Variants in IQSEC1 observed in about 807,000 individuals in gnomAD.
IQSEC1 encodes the protein IQ motif and Sec7 domain ArfGEF 1.
In IQSEC1, 31 loss-of-function variants were observed where a neutral mutation model predicts 91.0. The ratio of observed to expected loss-of-function variants is 0.34; its 90% confidence interval spans 0.26 to 0.46. IQSEC1 has a LOEUF of 0.46. Ranked by LOEUF, IQSEC1 falls within the 20% of genes least tolerant of loss-of-function variation. IQSEC1 has a pLI of 1.00. For missense variants in IQSEC1, 1,388 were observed against 1,575.6 expected (o/e 0.88, Z 2.02); for synonymous variants, 699 against 662.6 (o/e 1.05, Z -0.84).
chr3:13,204,955 C>A (rs1368901272), intron 1 of IQSEC1, among the ~76,000 whole-genome samples: 1 of 151,894 alleles, frequency 6.6e-6, no homozygotes, highest in Non-Finnish European at 1.5e-5. Context: ...CGCGCACCAC[C>A]ACGCCGGGCT....
At chr3:13,058,359 T>A (rs1704949987) in intron 1 of IQSEC1, among the ~76,000 whole-genome samples, 1 of 152,198 alleles carries the variant, frequency 6.6e-6, no homozygotes, top group Non-Finnish European at 1.5e-5. Flanking sequence ...CACAGGGGCA[T>A]GAAGGTTAGG....
At chr3:13,255,613 TG>T (rs71934178) in intron 1 of IQSEC1, among the ~76,000 whole-genome samples, 35,697 of 151,498 alleles carry the variant, frequency 0.24, 4,862 homozygotes, top group African/African-American at 0.39. Flanking sequence ...TACAGTGTTT[TG>T]GGGTTTTTTT....
At chr3:13,036,293 G>A (rs1704032497) in intron 1 of IQSEC1, among the ~76,000 whole-genome samples, 1 of 152,056 alleles carries the variant, frequency 6.6e-6, no homozygotes, top group Non-Finnish European at 1.5e-5. Context: ...ACTTTAGGCT[G>A]GTCATTTAAC....
At chr3:12,907,699 A>G (rs1695132438) in intron 12 of IQSEC1, among the ~76,000 whole-genome samples, 2 of 152,218 alleles carry the variant, frequency 1.3e-5, no homozygotes, top group Admixed American at 1.3e-4. Context: ...CACTCCCAGG[A>G]ATGTAGGCAG....
intron 1 of IQSEC1, among the ~76,000 whole-genome samples, chr3:12,956,953 G>A (rs565806672): frequency 3.9e-5 from 6 of 152,320 alleles, no homozygotes; most frequent in African/African-American, 1.2e-4. Context: ...TAAATCCCAC[G>A]TGGAGCTGTT....
intron 1 of IQSEC1, among the ~76,000 whole-genome samples, chr3:13,191,464 C>G (rs1694028996): frequency 6.6e-6 from 1 of 150,776 alleles, no homozygotes; most frequent in African/African-American, 2.4e-5. Flanking sequence ...CTCCCAGTCC[C>G]CACACCCAGC....
chr3:13,197,824 C>T (rs1053175175), intron 1 of IQSEC1, among the ~76,000 whole-genome samples: 1 of 152,240 alleles, frequency 6.6e-6, no homozygotes, highest in African/African-American at 2.4e-5. Flanking sequence ...GGCTTTAGTA[C>T]AGGCTGGACA....
Position 13,282,938 on chromosome 3 carries a change from C to A in IQSEC1, c.45G>T (p.Leu15=), listed in dbSNP as rs1021695642. ...CGGCGACGATCCGGGTCAGCTCCTG[C>A]AGGTACTCGGCCGCCTGGCCGGGGG... The change falls in exon 1 of 16, where the codon CTG becomes CTT. Residue 15 remains leucine (L), a synonymous_variant. Coordinates refer to the IQSEC1 transcript ENST00000648114. This position sits in a 1 kb window ranked among gnomAD's most constrained non-coding sequence, Gnocchi z 6.4. Among the ~76,000 whole-genome samples, 1 of 147,254 alleles carries A rather than the reference C, an allele frequency of 6.8e-6. No individual in the cohort carries two copies. Among genetic ancestry groups the A allele is most frequent in the South Asian group, 2.1e-4 (1 of 4,810 alleles).
At chr3:13,009,217 A>G (rs1456813163) in intron 1 of IQSEC1, among the ~76,000 whole-genome samples, 2 of 152,152 alleles carry the variant, frequency 1.3e-5, no homozygotes, top group South Asian at 2.1e-4. Flanking sequence ...AGGCCTGGTG[A>G]CTCGCCCTAG....
At chr3:13,016,916 C>T (rs911109262) in intron 1 of IQSEC1, among the ~76,000 whole-genome samples, 3 of 152,176 alleles carry the variant, frequency 2.0e-5, no homozygotes, top group Non-Finnish European at 4.4e-5. Flanking sequence ...TCACGGCAAA[C>T]CTACCTCCCG....
chr3:13,029,784 G>C (rs988970180), intron 1 of IQSEC1, among the ~76,000 whole-genome samples: 3 of 152,228 alleles, frequency 2.0e-5, no homozygotes, highest in African/African-American at 7.2e-5. Flanking sequence ...GGACTGGTAA[G>C]GACTGCAGCA....
chr3:12,945,701 A>T (rs1171490680), intron 1 of IQSEC1, among the ~76,000 whole-genome samples: 1 of 152,214 alleles, frequency 6.6e-6, no homozygotes, highest in Non-Finnish European at 1.5e-5. Context: ...GAGCCAGAGG[A>T]CATCACCTCT....
At chr3:12,934,884 G>A (rs1384304252) in intron 3 of IQSEC1, among the ~76,000 whole-genome samples, 1 of 151,936 alleles carries the variant, frequency 6.6e-6, no homozygotes, top group East Asian at 1.9e-4. Context: ...GGTCTGGCCT[G>A]CATCTGTCTG....
chr3:13,237,316 G>A (rs898729228), intron 1 of IQSEC1, among the ~76,000 whole-genome samples: 4 of 126,862 alleles, frequency 3.2e-5, no homozygotes, highest in African/African-American at 1.2e-4. Context: ...GTGGGGACAG[G>A]CCCCATCATC....
intron 1 of IQSEC1, among the ~76,000 whole-genome samples, chr3:13,253,241 G>C (rs1281501933): frequency 2.6e-5 from 4 of 152,174 alleles, no homozygotes; most frequent in African/African-American, 9.7e-5. Context: ...ATTTCACTGA[G>C]GCAGAGAGAG....
chr3:12,996,032 C>T (rs1702214618), intron 1 of IQSEC1, among the ~76,000 whole-genome samples: 2 of 152,034 alleles, frequency 1.3e-5, no homozygotes, highest in Admixed American at 1.3e-4. Flanking sequence ...ATTAACCAGG[C>T]ATGGTAGTGC....
intron 1 of IQSEC1, among the ~76,000 whole-genome samples, chr3:13,002,554 A>G: frequency 6.6e-6 from 1 of 151,942 alleles, no homozygotes; most frequent in Non-Finnish European, 1.5e-5. Context: ...CTCCAAAAAA[A>G]AAAAAAAAAA....
At chr3:13,231,701 G>A (rs1694841807) in intron 1 of IQSEC1, among the ~76,000 whole-genome samples, 1 of 152,220 alleles carries the variant, frequency 6.6e-6, no homozygotes, top group African/African-American at 2.4e-5. Flanking sequence ...AATAATGAAT[G>A]TGAATGTTTC....
At chr3:13,044,069 A>AG (rs984752626) in intron 1 of IQSEC1, among the ~76,000 whole-genome samples, 3 of 152,202 alleles carry the variant, frequency 2.0e-5, no homozygotes, top group African/African-American at 7.2e-5. Flanking sequence ...TCAGCTTCCA[A>AG]GGGCCAGGCT....
Sources: gnomAD v4.1 joint callset for allele counts (sites outside exome capture counted in the v4.1 genomes callset) on GRCh38, gnomAD v4.1.1 for gene constraint, Gnocchi (gnomAD v3.1) non-coding constraint, MANE v1.5 for transcripts, NCBI Gene and HGNC (gene_info 2026-07-23, HGNC 2026-07-21) for gene names.